RAB38: variants seen among roughly 807,000 people sequenced by gnomAD.
The protein encoded by RAB38 is RAB38, member RAS oncogene family, also known as ras-related protein Rab-38.
RAB38 carries 15 observed loss-of-function variants against 18.4 expected under a neutral mutation model. The ratio of observed to expected loss-of-function variants is 0.82; its 90% confidence interval spans 0.55 to 1.26. The LOEUF is 1.26. RAB38 is among the 50% of genes most tolerant of loss of function. RAB38 has a pLI of 0.00. For synonymous variants in RAB38, 101 were observed against 104.4 expected (o/e 0.97, Z 0.20); for missense variants, 294 against 267.4 (o/e 1.10, Z -0.69).
At chr11:88,164,262 G>T (rs369749181) in intron 1 of RAB38, among the ~76,000 whole-genome samples, 4 of 128,682 alleles carry the variant, frequency 3.1e-5, no homozygotes, top group African/African-American at 1.1e-4. Flanking sequence ...CTCTCGGTGG[G>T]GGGGGGTGCC....
the RAB38 span, among the ~76,000 whole-genome samples, chr11:88,070,954 A>G: frequency 6.6e-6 from 1 of 152,238 alleles, no homozygotes; most frequent in African/African-American, 2.4e-5. Flanking sequence ...ATCAGCTAAA[A>G]TGTTAAATTT....
the RAB38 span, among the ~76,000 whole-genome samples, chr11:88,043,241 ATC>A: frequency 1.3e-5 from 2 of 152,148 alleles, no homozygotes; most frequent in Non-Finnish European, 2.9e-5. Context: ...TCTCAGCTAG[ATC>A]GTTATTTGTC....
At chr11:88,107,374 C>G in the RAB38 span, among the ~76,000 whole-genome samples, 1 of 151,926 alleles carries the variant, frequency 6.6e-6, no homozygotes, top group African/African-American at 2.4e-5. Context: ...CCAAAAATAT[C>G]TACCATTTTT....
At chr11:88,147,570 T>TAA (rs397938499) in intron 2 of RAB38, among the ~76,000 whole-genome samples, 14,689 of 128,266 alleles carry the variant, frequency 0.11, 966 homozygotes, top group African/African-American at 0.19. Context: ...ATTTTGGAAT[T>TAA]AAAAAAAAAA....
At chr11:88,105,562 T>C in the RAB38 span, among the ~76,000 whole-genome samples, 1 of 152,304 alleles carries the variant, frequency 6.6e-6, no homozygotes, top group South Asian at 2.1e-4. Context: ...GGGATCTTCA[T>C]TTCTCCCTGC....
chr11:88,023,311 CAAAT>C, the RAB38 span, among the ~76,000 whole-genome samples: 18 of 149,628 alleles, frequency 1.2e-4, no homozygotes, highest in African/African-American at 4.4e-4. Flanking sequence ...ATAATAGTAA[CAAAT>C]AAAATTAAAT....
At chr11:87,913,702 C>G in the RAB38 span, among the ~76,000 whole-genome samples, 1,105 of 152,192 alleles carry the variant, frequency 7.3e-3, 12 homozygotes, top group African/African-American at 0.025. Flanking sequence ...TCTTGCAAGA[C>G]TGAATTCATT....
chr11:88,125,030 T>A (rs1168999034), intron 2 of RAB38, among the ~76,000 whole-genome samples: 1 of 152,204 alleles, frequency 6.6e-6, no homozygotes, highest in African/African-American at 2.4e-5. Context: ...TCATAGTGAC[T>A]GTAACATTTT....
chr11:88,020,270 C>G, the RAB38 span, among the ~76,000 whole-genome samples: 2 of 151,916 alleles, frequency 1.3e-5, no homozygotes, highest in South Asian at 4.1e-4. Context: ...GGAAAAAGAG[C>G]CAATGAAAAC....
the RAB38 span, among the ~76,000 whole-genome samples, chr11:87,832,178 A>G: frequency 2.6e-5 from 4 of 152,194 alleles, no homozygotes; most frequent in Admixed American, 2.6e-4. Context: ...AGTCTAGGAA[A>G]AGAATGGTGA....
At chr11:88,030,077 A>C in the RAB38 span, among the ~76,000 whole-genome samples, 1 of 152,090 alleles carries the variant, frequency 6.6e-6, no homozygotes, top group South Asian at 2.1e-4. Context: ...TAAGAATCTC[A>C]CTCAAAACCA....
chr11:87,911,791 T>C, the RAB38 span, among the ~76,000 whole-genome samples: 4 of 152,014 alleles, frequency 2.6e-5, no homozygotes, highest in Admixed American at 2.6e-4. Context: ...GCTTGCTGTG[T>C]TTCTTATATT....
chr11:87,854,729 C>T, the RAB38 span, among the ~76,000 whole-genome samples: 18 of 152,218 alleles, frequency 1.2e-4, no homozygotes, highest in African/African-American at 4.3e-4. Flanking sequence ...AAAAACCAGA[C>T]AGTGCAGAAA....
the RAB38 span, among the ~76,000 whole-genome samples, chr11:87,931,607 A>G: frequency 6.6e-6 from 1 of 152,112 alleles, no homozygotes; most frequent in Non-Finnish European, 1.5e-5. Flanking sequence ...CTGGCATTCA[A>G]ATGTCAGAAC....
At chr11:87,971,225 A>C in the RAB38 span, among the ~76,000 whole-genome samples, 1 of 152,116 alleles carries the variant, frequency 6.6e-6, no homozygotes, top group Admixed American at 6.6e-5. Context: ...GTTACAGTGG[A>C]TTTAATTGGC....
chr11:87,888,762 T>A, the RAB38 span, among the ~76,000 whole-genome samples: 1 of 151,922 alleles, frequency 6.6e-6, no homozygotes. Context: ...TCAAGGATTA[T>A]TTTATCTTTC....
chr11:87,920,638 T>G, the RAB38 span, among the ~76,000 whole-genome samples: 17 of 152,198 alleles, frequency 1.1e-4, no homozygotes, highest in Middle Eastern at 6.8e-3. Context: ...TATTTGTGTA[T>G]GTCTATTAGG....
chr11:87,852,562 T>A, the RAB38 span, among the ~76,000 whole-genome samples: 1 of 152,168 alleles, frequency 6.6e-6, no homozygotes, highest in Admixed American at 6.6e-5. Flanking sequence ...ATTGAGAAAT[T>A]AATGGCACAC....
the RAB38 span, among the ~76,000 whole-genome samples, chr11:87,842,604 C>CA: frequency 6.6e-6 from 1 of 152,158 alleles, no homozygotes; most frequent in Non-Finnish European, 1.5e-5. Context: ...GTGAACTACA[C>CA]AAATAAATGT....
Sources: gnomAD v4.1 joint callset for allele counts (sites outside exome capture counted in the v4.1 genomes callset) on GRCh38, gnomAD v4.1.1 for gene constraint, MANE v1.5 for transcripts, NCBI Gene and HGNC (gene_info 2026-07-23, HGNC 2026-07-21) for gene names.